The following ESF1 variants were observed in gnomAD, a reference collection of about 807,000 sequenced individuals.
The protein encoded by ESF1 is ESF1 homolog.
A neutral mutation model predicts 92.0 loss-of-function variants in ESF1; 58 were observed. The observed-to-expected ratio is 0.63, with a 90% CI of 0.51 to 0.78. The LOEUF is 0.78. Ranked by LOEUF, ESF1 falls within the 30% of genes least tolerant of loss-of-function variation. The pLI, the probability that ESF1 is intolerant of heterozygous loss-of-function variation, is 0.00. For synonymous variants in ESF1, 321 were observed against 313.7 expected, an observed-to-expected ratio of 1.02 and a Z score of -0.24; for missense variants, 922 against 989.1, an observed-to-expected ratio of 0.93 and a Z score of 0.91.
chr20:13,737,812 C>A (rs2049984870), intron 9 of ESF1, among the ~76,000 whole-genome samples: 1 of 150,678 alleles, frequency 6.6e-6, no homozygotes, highest in Non-Finnish European at 1.5e-5. Flanking sequence ...CGCCACCATG[C>A]CAGACTAATT....
At chr20:13,719,786 G>C (rs1029294249) in intron 11 of ESF1, among the ~76,000 whole-genome samples, 5 of 152,012 alleles carry the variant, frequency 3.3e-5, no homozygotes, top group African/African-American at 1.2e-4. Flanking sequence ...CAAGTGATTT[G>C]AATATATAAA....
At chr20:13,741,247 TTTTC>T (rs1489910146) in intron 9 of ESF1, among the ~76,000 whole-genome samples, 1 of 152,176 alleles carries the variant, frequency 6.6e-6, no homozygotes, top group African/African-American at 2.4e-5. Context: ...TCTCTGAGCA[TTTTC>T]TTTATCTTGT....
chr20:13,744,386 A>G (rs553431715), intron 9 of ESF1, among the ~76,000 whole-genome samples: 3 of 152,358 alleles, frequency 2.0e-5, no homozygotes, highest in African/African-American at 7.2e-5. Flanking sequence ...GACATTCTAC[A>G]TATGAGGAAA....
At position 13,775,184 on chromosome 20, in the gene ESF1, G is replaced by C. The variant is rs1173569055; in HGVS notation, c.1122C>G (p.Pro374=). Residue 374 remains proline, a synonymous_variant, in exon 4 of 14, where the codon CCC becomes CCG. Transcript: ENST00000617257. ...TGACGGAAAATATTACACCTCCTTT[G>C]GGTTTAAATGAATTGAACAGAGCCA... is the stretch of plus-strand genomic sequence containing the variant. The part of the protein sequence containing the change: ...DLLALFNSFK[P]KGGVIFSVKI... The C allele has an allele frequency of 3.7e-6, 6 of 1,605,326 alleles. No homozygotes were observed. Among genetic ancestry groups the C allele is most frequent in the Non-Finnish European group, 5.1e-6 (6 of 1,177,042 alleles).
rs550629736 is a variant in ESF1 at position 13,749,756 on chromosome 20, G to A, written c.1828+9936C>T. ...AATTTTTTGTATTTTTAGTAGAGAC[G>A]GGGTTTCACCATGTTGGCCAGTCTG... On this transcript the variant is annotated intron_variant, in intron 9 of 13. Transcript: ENST00000617257. 5.3e-5 allele frequency among the ~76,000 whole-genome samples: 8 copies of A among 151,856 alleles called. No homozygotes were observed. In the East Asian group the frequency reaches 9.8e-4, roughly 19 times the overall value.
intron 2 of ESF1, among the ~76,000 whole-genome samples, chr20:13,781,873 C>T (rs554570961): frequency 6.6e-6 from 1 of 152,064 alleles, no homozygotes; most frequent in Admixed American, 6.5e-5. Flanking sequence ...CCTACTTACC[C>T]TATTTATTTT....
intron 1 of ESF1, among the ~76,000 whole-genome samples, chr20:13,784,036 T>C (rs1298819141): frequency 6.6e-6 from 1 of 152,164 alleles, no homozygotes; most frequent in Non-Finnish European, 1.5e-5. Flanking sequence ...TAATAAAAAG[T>C]TTAAAAATAA....
chr20:13,742,820 T>C (rs570886586), intron 9 of ESF1, among the ~76,000 whole-genome samples: 1 of 152,308 alleles, frequency 6.6e-6, no homozygotes, highest in East Asian at 1.9e-4. Context: ...ATATCACAGA[T>C]ATGTGCAAAT....
Position 13,730,664 on chromosome 20 carries a change from A to G in ESF1, c.1951-2199T>C, listed in dbSNP as rs987510535. Among the ~76,000 whole-genome samples, 47 of 150,908 alleles carry G rather than the reference A, an allele frequency of 3.1e-4. 1 individual carries two copies. The highest frequency in any genetic ancestry group is 5.3e-4 in the Admixed American group (8 of 15,108). On this transcript the variant is annotated intron_variant, in intron 10 of 13. Transcript: ENST00000617257. ...CTCCCAAAGTACTGGGTTTACAAGC[A>G]TGAGCCACCGCACCCAGCCAGAACA...
chr20:13,751,199 G>A (rs1978618287), intron 9 of ESF1, among the ~76,000 whole-genome samples: 1 of 152,178 alleles, frequency 6.6e-6, no homozygotes, highest in East Asian at 1.9e-4. Flanking sequence ...CGGAACATGT[G>A]CAACGAAAAG....
At chr20:13,755,165 G>A (rs543598269) in intron 9 of ESF1, among the ~76,000 whole-genome samples, 2 of 152,320 alleles carry the variant, frequency 1.3e-5, no homozygotes, top group East Asian at 1.9e-4. Flanking sequence ...TATTCAGTAA[G>A]TATTTGATGG....
chr20:13,729,804 A>T (rs2049929608), intron 10 of ESF1, among the ~76,000 whole-genome samples: 1 of 152,232 alleles, frequency 6.6e-6, no homozygotes, highest in African/African-American at 2.4e-5. Flanking sequence ...TCTGTTGGTT[A>T]AATTTTTCCT....
chr20:13,733,765 A>C lies in ESF1; in HGVS notation c.1906T>G (p.Leu636Val). The change falls in exon 10 of 14, where the codon TTA becomes GTA. Residue 636 changes from leucine to valine, a missense_variant. Physicochemically the swap from Leu to Val is conservative, Grantham distance 32 (BLOSUM62 1). Coordinates refer to ENST00000617257, the MANE Select transcript of ESF1 (RefSeq NM_001276380.2). ...KDKLTPWEQFLEKKKEKKRLK... is the reference protein window; with the variant it reads ...KDKLTPWEQFVEKKKEKKRLK... ...CTTTTTTTCTCTTTCTTCTTCTCTA[A>C]AAATTGTTCCCAAGGGGTCAGTTTA... is the stretch of plus-strand genomic sequence containing the variant. 1.2e-6 allele frequency: 2 copies of C among 1,613,038 alleles called. No individual in the cohort carries two copies. Among genetic ancestry groups the C allele is most frequent in the Non-Finnish European group, 1.7e-6 (2 of 1,179,814 alleles).
chr20:13,729,081 A>G (rs962732977), intron 10 of ESF1, among the ~76,000 whole-genome samples: 1 of 152,084 alleles, frequency 6.6e-6, no homozygotes, highest in African/African-American at 2.4e-5. Context: ...CAACAGGGTG[A>G]AACCCCATCT....
In ESF1 at chr20:13,747,144, T is replaced by A. The variant is rs1344738047; in HGVS notation, c.1828+12548A>T. Among the ~76,000 whole-genome samples, 4 of 152,160 alleles carry A rather than the reference T, an allele frequency of 2.6e-5. No homozygotes were observed. The East Asian group carries it at 7.7e-4, about 29-fold the overall frequency. On this transcript the variant is annotated intron_variant, in intron 9 of 13. Coordinates refer to ENST00000617257, the MANE Select transcript of ESF1 (RefSeq NM_001276380.2). The stretch of plus-strand genomic sequence containing the variant: ...CTGGTTGGGAATCCTTGAAACAGAG[T>A]AATCCTTTAAGGTTTACTCTTTCAA...
chr20:13,783,147 T>C lies in ESF1; in HGVS notation c.-7A>G, dbSNP rs1350844867. 1.3e-6 allele frequency: 2 copies of C among 1,588,958 alleles called. No individual in the cohort carries two copies. Among genetic ancestry groups the C allele is most frequent in the Non-Finnish European group, 8.6e-7 (1 of 1,165,138 alleles). On this transcript the variant is annotated 5_prime_UTR_variant, in exon 2 of 14. Coordinates refer to ENST00000617257, the MANE Select transcript of ESF1 (RefSeq NM_001276380.2). ...TTTCTTGTTTGGATGACATTTTTAATTCTTAATCTCGACCAAATGCTTGAA... is the reference window on the plus strand; with the variant it reads ...TTTCTTGTTTGGATGACATTTTTAACTCTTAATCTCGACCAAATGCTTGAA...
Position 13,782,755 on chromosome 20 carries a change from G to C in ESF1, c.386C>G (p.Thr129Ser), listed in dbSNP as rs1193939119. Residue 129 changes from threonine (T) to serine (S), a missense_variant, in exon 2 of 14, where the codon ACT becomes AGT. By Grantham distance (58) the Thr-to-Ser change is moderately conservative. Transcript: ENST00000617257. ...AATTCCTATAGAATTATCTAAATCA[G>C]TTTTATTTTCAGAACCCTTGTGATT... ...KANHKGSENK[T>S]DLDNSIGIKK... is the part of the protein sequence containing the mutation. 1 of 1,595,954 alleles carries C rather than the reference G, an allele frequency of 6.3e-7. No individual in the cohort carries two copies. The highest frequency in any genetic ancestry group is 2.2e-5 in the East Asian group (1 of 44,766).
At position 13,720,188 on chromosome 20, in the gene ESF1, G is replaced by A. The variant is rs373381656; in HGVS notation, c.2039-1204C>T. 3.3e-5 allele frequency among the ~76,000 whole-genome samples: 5 copies of A among 152,218 alleles called. 1 individual carries two copies. In the South Asian group the frequency reaches 1.0e-3, roughly 32 times the overall value. The stretch of plus-strand genomic sequence containing the variant: ...TGTCTCCTTTCCTTGTACCCAAGCT[G>A]TACTGCTGAGTGAACTGCCGTGAAG... On this transcript the variant is annotated intron_variant, in intron 11 of 13. Coordinates refer to ENST00000617257, the MANE Select transcript of ESF1 (RefSeq NM_001276380.2).
At position 13,759,869 on chromosome 20, in the gene ESF1, T is replaced by C; in HGVS notation, c.1667-16A>G. The C allele has an allele frequency of 1.3e-6, 2 of 1,575,116 alleles. No homozygotes were observed. Among genetic ancestry groups the C allele is most frequent in the East Asian group, 2.3e-5 (1 of 43,874 alleles). On this transcript the variant is annotated splice_polypyrimidine_tract_variant and intron_variant, in intron 8 of 13. Coordinates refer to ENST00000617257, the MANE Select transcript of ESF1 (RefSeq NM_001276380.2). ...CCATCATCACCTAATGAAAAAAAAATTCACTTAATACACAGAAACAATTCA... is the reference window on the plus strand; with the variant it reads ...CCATCATCACCTAATGAAAAAAAAACTCACTTAATACACAGAAACAATTCA...
Sources: gnomAD v4.1 joint callset for allele counts (sites outside exome capture counted in the v4.1 genomes callset) on GRCh38, gnomAD v4.1.1 for gene constraint, MANE v1.5 for transcripts, NCBI Gene and HGNC (gene_info 2026-07-23, HGNC 2026-07-21) for gene names.